Variants in SOX5 observed in about 807,000 individuals in gnomAD.
SOX5 encodes transcription factor SOX-5.
SOX5 carries 9 observed loss-of-function variants against 92.0 expected under a neutral mutation model. The ratio of observed to expected loss-of-function variants is 0.10; its 90% CI spans 0.06 to 0.17. The LOEUF (loss-of-function observed/expected upper bound fraction) is 0.17, where lower values mean the gene tolerates loss of function less well. Among genes scored for constraint, SOX5 ranks in the 10% least tolerant of loss-of-function variants. The probability of loss-of-function intolerance (pLI) is 1.00; values close to 1 mark genes in which losing one functional copy is unlikely to be tolerated. For synonymous variants in SOX5, 344 were observed against 336.3 expected (o/e 1.02, Z -0.25); for missense variants, 642 against 944.5 (o/e 0.68, Z 4.20).
At chr12:23,992,152 A>G (rs983614727) in intron 4 of SOX5, among the ~76,000 whole-genome samples, 5 of 152,176 alleles carry the variant, frequency 3.3e-5, no homozygotes, top group Non-Finnish European at 7.4e-5. Context: ...ACAGGTCAGT[A>G]GCTTCTAAAT....
chr12:24,295,683 C>T (rs968444486), intron 2 of SOX5, among the ~76,000 whole-genome samples: 4 of 152,118 alleles, frequency 2.6e-5, no homozygotes, highest in African/African-American at 9.7e-5. Flanking sequence ...CCTGCCTCAG[C>T]CCCTCCTGAT....
At chr12:23,908,233 C>G (rs1191554858) in intron 1 of SOX5, among the ~76,000 whole-genome samples, 1 of 151,970 alleles carries the variant, frequency 6.6e-6, no homozygotes, top group Non-Finnish European at 1.5e-5. Flanking sequence ...GCAAGTTAAG[C>G]CGTCTAAAGA....
chr12:23,659,638 TG>T (rs1465478275), intron 7 of SOX5, among the ~76,000 whole-genome samples: 1 of 152,158 alleles, frequency 6.6e-6, no homozygotes, highest in Non-Finnish European at 1.5e-5. Flanking sequence ...TTTCTCAACA[TG>T]AGCTCTAATA....
chr12:23,728,732 G>T (rs1354287604), intron 6 of SOX5, among the ~76,000 whole-genome samples: 1 of 151,978 alleles, frequency 6.6e-6, no homozygotes, highest in Admixed American at 6.6e-5. Context: ...TAAGTTCCCA[G>T]GGAAAGAAAA....
chr12:24,372,254 A>C (rs1475616859), intron 1 of SOX5, among the ~76,000 whole-genome samples: 1 of 152,024 alleles, frequency 6.6e-6, no homozygotes, highest in Non-Finnish European at 1.5e-5. Flanking sequence ...CATCTACATT[A>C]GGTATTTCTC....
intron 4 of SOX5, among the ~76,000 whole-genome samples, chr12:24,197,966 C>T (rs1015574456): frequency 2.0e-5 from 3 of 152,186 alleles, no homozygotes; most frequent in Admixed American, 1.3e-4. Flanking sequence ...TGAACTTGCT[C>T]ATCTGTAAAA....
chr12:24,294,394 T>G (rs1311865696), intron 2 of SOX5, among the ~76,000 whole-genome samples: 1 of 152,178 alleles, frequency 6.6e-6, no homozygotes, highest in African/African-American at 2.4e-5. Context: ...TAACTAATAT[T>G]AATCTCAAAT....
intron 1 of SOX5, among the ~76,000 whole-genome samples, chr12:24,387,016 T>A (rs1311483821): frequency 1.3e-5 from 2 of 152,118 alleles, no homozygotes; most frequent in African/African-American, 4.8e-5. Context: ...AATGAGCATC[T>A]TCGTTTCTGT....
At chr12:24,005,557 C>T (rs1952066249) in intron 4 of SOX5, among the ~76,000 whole-genome samples, 1 of 152,132 alleles carries the variant, frequency 6.6e-6, no homozygotes, top group African/African-American at 2.4e-5. Flanking sequence ...ACTAAATATG[C>T]TAACCATTTG....
chr12:23,979,897 CTGGCTGG>C (rs1569371643), intron 4 of SOX5, among the ~76,000 whole-genome samples: 5 of 138,896 alleles, frequency 3.6e-5, no homozygotes, highest in African/African-American at 1.4e-4. Context: ...GGCTGGCTGG[CTGGCTGG>C]CTGGCTGGCC....
intron 4 of SOX5, among the ~76,000 whole-genome samples, chr12:24,034,465 A>G (rs1955819240): frequency 1.3e-5 from 2 of 151,664 alleles, no homozygotes; most frequent in Non-Finnish European, 3.0e-5. Flanking sequence ...GGCTGTACCA[A>G]AGTAAAACAT....
At chr12:23,695,668 G>A (rs1215988283) in intron 6 of SOX5, among the ~76,000 whole-genome samples, 5 of 152,082 alleles carry the variant, frequency 3.3e-5, no homozygotes, top group Admixed American at 6.5e-5. Context: ...TGGGCCGGGC[G>A]CAGTGGCTCA....
intron 8 of SOX5, among the ~76,000 whole-genome samples, chr12:23,628,342 T>C (rs2078101712): frequency 6.6e-6 from 1 of 152,100 alleles, no homozygotes; most frequent in South Asian, 2.1e-4. Flanking sequence ...GATGGAATTG[T>C]CTCTGTTACC....
Position 24,068,680 on chromosome 12 carries a change from A to ATGTGTGTGTGTGTGTGTGTG in SOX5, c.-2+144643_-2+144662dup, listed in dbSNP as rs367765179. On this transcript the variant is annotated intron_variant, in intron 4 of 4. Transcript: ENST00000446891. ...TTATTTTTAGAAAGGTCAAAGTCGT[A>ATGTGTGTGTGTGTGTGTGTG]TGTGTGTGTGTGTGTGTGTGTGTGT... 1.0e-3 allele frequency among the ~76,000 whole-genome samples: 63 copies of ATGTGTGTGTGTGTGTGTGTG among 63,062 alleles called. 1 individual carries two copies. The highest frequency in any genetic ancestry group is 2.1e-3 in the East Asian group (2 of 950). The allele number at this position is 63,062 out of a possible 152,430, so 41.4% of individuals were successfully genotyped here. A position where few individuals can be genotyped will look rare whatever the true frequency, so the allele number is the denominator to read the frequency against.
intron 8 of SOX5, among the ~76,000 whole-genome samples, chr12:23,611,508 A>C (rs1469122044): frequency 1.3e-5 from 2 of 152,074 alleles, no homozygotes; most frequent in Admixed American, 6.6e-5. Context: ...TGGAGTACAG[A>C]TATCTCTTCA....
At chr12:23,756,425 T>C (rs891162346) in intron 3 of SOX5, among the ~76,000 whole-genome samples, 1 of 151,882 alleles carries the variant, frequency 6.6e-6, no homozygotes, top group African/African-American at 2.4e-5. Flanking sequence ...TGCTTTAGTC[T>C]GGTATTTGTT....
chr12:24,182,719 T>C (rs952445754), intron 4 of SOX5, among the ~76,000 whole-genome samples: 9 of 152,178 alleles, frequency 5.9e-5, no homozygotes, highest in African/African-American at 1.9e-4. Context: ...AATTTCCAAA[T>C]TGCTAATTCT....
chr12:24,149,889 T>C (rs757504288), intron 4 of SOX5, among the ~76,000 whole-genome samples: 1 of 152,076 alleles, frequency 6.6e-6, no homozygotes, highest in Non-Finnish European at 1.5e-5. Context: ...TAAATAATTA[T>C]GGTGAGTAAA....
At chr12:24,143,659 G>C (rs1354272333) in intron 4 of SOX5, among the ~76,000 whole-genome samples, 1 of 152,092 alleles carries the variant, frequency 6.6e-6, no homozygotes, top group Non-Finnish European at 1.5e-5. Context: ...TGTAGATACA[G>C]AAATAGACAC....
Sources: gnomAD v4.1 joint callset for allele counts (sites outside exome capture counted in the v4.1 genomes callset) on GRCh38, gnomAD v4.1.1 for gene constraint, MANE v1.5 for transcripts, NCBI Gene and HGNC (gene_info 2026-07-23, HGNC 2026-07-21) for gene names.